Variants in KCNJ12 observed in about 807,000 individuals in gnomAD.
KCNJ12 encodes the protein potassium inwardly rectifying channel subfamily J member 12.
Under a neutral mutation model 22.3 loss-of-function variants are expected in KCNJ12, and 2 were observed. The ratio of observed to expected loss-of-function variants is 0.09; its 90% CI spans 0.04 to 0.28. The LOEUF is 0.28. KCNJ12 is among the 10% of genes least tolerant of loss of function. The probability of loss-of-function intolerance (pLI) is 1.00; values close to 1 mark genes in which losing one functional copy is unlikely to be tolerated. For missense variants in KCNJ12, 155 were observed against 633.3 expected, an observed-to-expected ratio of 0.24 and a Z score of 8.11; for synonymous variants, 117 against 261.4, an observed-to-expected ratio of 0.45 and a Z score of 5.33.
chr17:21,406,670 C>G (rs1366843286), intron 1 of KCNJ12, among the ~76,000 whole-genome samples: 1 of 152,426 alleles, frequency 6.6e-6, no homozygotes, highest in African/African-American at 2.4e-5. Flanking sequence ...AGGGGCAGAG[C>G]TGGGATTTGA....
chr17:21,410,980 G>C (rs1483270484), intron 2 of KCNJ12, among the ~76,000 whole-genome samples: 1 of 152,310 alleles, frequency 6.6e-6, no homozygotes, highest in African/African-American at 2.4e-5. Context: ...GCCCCAGCTA[G>C]CTGAACAGTC....
At position 21,419,220 on chromosome 17, in the gene KCNJ12, C is replaced by T. The variant is rs1427249622; in HGVS notation, c.*2576C>T. The T allele has an allele frequency of 1.2e-5, 2 of 166,826 alleles. No homozygotes were observed. The highest frequency in any genetic ancestry group is 4.8e-5 in the African/African-American group (2 of 41,292). The allele number at this position is 166,826 out of a possible 1,614,324, so 10.3% of individuals were successfully genotyped here. On this transcript the variant is annotated 3_prime_UTR_variant, in exon 3 of 3. Coordinates refer to ENST00000583088, the MANE Select transcript of KCNJ12 (RefSeq NM_021012.5). ...GTGCCTGTGTGAGCCTGCATGCATACATGTGTGGTGCACACATGCACACTC... is the reference window on the plus strand; with the variant it reads ...GTGCCTGTGTGAGCCTGCATGCATATATGTGTGGTGCACACATGCACACTC...
intron 1 of KCNJ12, among the ~76,000 whole-genome samples, chr17:21,399,910 C>G (rs75050283): frequency 6.6e-6 from 1 of 152,164 alleles, no homozygotes. Flanking sequence ...GTCACAGTGA[C>G]GAGTGTTCCT....
chr17:21,418,252 A>G lies in KCNJ12; in HGVS notation c.*1608A>G, dbSNP rs1396697617. The G allele has an allele frequency of 6.0e-6, 1 of 167,130 alleles. No homozygotes were observed. The highest frequency in any genetic ancestry group is 6.5e-5 in the Admixed American group (1 of 15,296). The allele number at this position is 167,130 out of a possible 1,614,324, so 10.4% of individuals were successfully genotyped here. A position where few individuals can be genotyped will look rare whatever the true frequency, so the allele number is the denominator to read the frequency against. On this transcript the variant is annotated 3_prime_UTR_variant, in exon 3 of 3. Transcript: ENST00000583088. The stretch of plus-strand genomic sequence containing the variant: ...CGGGCTTCTCCAGAAGCCAGTAATC[A>G]GAAAGGATGTGTCTCCTGCTCCAAC...
At chr17:21,405,321 T>G (rs1905867259) in intron 1 of KCNJ12, 1 of 152,216 alleles carries the variant, frequency 6.6e-6, no homozygotes, top group African/African-American at 2.4e-5. Context: ...TGTGACAGTC[T>G]CCCGAGGTGT....
At position 21,417,543 on chromosome 17, in the gene KCNJ12, A is replaced by G. The variant is rs76059352; in HGVS notation, c.*899A>G. 5.8e-4 allele frequency: 78 copies of G among 135,500 alleles called. No homozygotes were observed. Among genetic ancestry groups the G allele is most frequent in the Non-Finnish European group, 1.0e-3 (56 of 56,086 alleles). 8.4% of individuals were successfully genotyped at this position (135,500 alleles called of 1,614,324 possible). A position where few individuals can be genotyped will look rare whatever the true frequency, so the allele number is the denominator to read the frequency against. On this transcript the variant is annotated 3_prime_UTR_variant, in exon 3 of 3. Transcript: ENST00000583088. The stretch of plus-strand genomic sequence containing the variant: ...CCATTTCTGTCCAGGCCTCCGCCCA[A>G]TTCCACAGTGAGGGGTGGTTAGGAG...
chr17:21,410,270 C>T lies in KCNJ12; in HGVS notation c.-57+1630C>T, dbSNP rs2364022. Among the ~76,000 whole-genome samples the T allele has an allele frequency of 1.5e-4, 23 of 152,272 alleles. No individual in the cohort carries two copies. In the South Asian group the frequency reaches 2.3e-3, roughly 15 times the overall value. ...GCCCTGCCTCTCACACCCTATGTGA[C>T]GGAGCAAGGGCACCGGCTCAGAGCC... On this transcript the variant is annotated intron_variant, in intron 2 of 2. Coordinates refer to ENST00000583088, the MANE Select transcript of KCNJ12 (RefSeq NM_021012.5).
chr17:21,399,150 G>A (rs559874467), intron 1 of KCNJ12, among the ~76,000 whole-genome samples: 3 of 152,308 alleles, frequency 2.0e-5, no homozygotes, highest in Admixed American at 6.5e-5. Context: ...CCCATGGAGC[G>A]AAGCTGCCGT....
chr17:21,394,481 C>A (rs1905286686), intron 1 of KCNJ12, among the ~76,000 whole-genome samples: 1 of 152,176 alleles, frequency 6.6e-6, no homozygotes, highest in Admixed American at 6.5e-5. Context: ...TGTATTCCAT[C>A]GTTAATCGAG....
At chr17:21,384,119 A>G (rs1904989797) in intron 1 of KCNJ12, among the ~76,000 whole-genome samples, 4 of 152,042 alleles carry the variant, frequency 2.6e-5, no homozygotes, top group Admixed American at 2.6e-4. Flanking sequence ...GAAACGTGCT[A>G]ATATCTAAGT....
chr17:21,411,554 C>T (rs4021089), intron 2 of KCNJ12, among the ~76,000 whole-genome samples: 25 of 152,414 alleles, frequency 1.6e-4, no homozygotes, highest in Non-Finnish European at 2.9e-4. Flanking sequence ...TGGGTGTCTG[C>T]GGAAAACGGT....
chr17:21,411,781 G>A (rs1906362885), intron 2 of KCNJ12, among the ~76,000 whole-genome samples: 1 of 152,428 alleles, frequency 6.6e-6, no homozygotes, highest in South Asian at 2.1e-4. Flanking sequence ...AAAAAGGCCT[G>A]TGTGTCCCTG....
chr17:21,384,605 C>T (rs1036145370), intron 1 of KCNJ12, among the ~76,000 whole-genome samples: 2 of 152,080 alleles, frequency 1.3e-5, no homozygotes, highest in East Asian at 1.9e-4. Context: ...GGAGGGGAGG[C>T]GCTCATTGCT....
chr17:21,399,844 G>A (rs1259743326), intron 1 of KCNJ12, among the ~76,000 whole-genome samples: 3 of 152,184 alleles, frequency 2.0e-5, no homozygotes, highest in Admixed American at 6.5e-5. Context: ...CATCCTATCC[G>A]AGCCCCAGTT....
chr17:21,381,589 A>C (rs1051653089), intron 1 of KCNJ12, among the ~76,000 whole-genome samples: 1 of 151,966 alleles, frequency 6.6e-6, no homozygotes, highest in South Asian at 2.1e-4. Context: ...TCTTTCCCAG[A>C]TCTCTGCACG....
chr17:21,379,672 C>T (rs914068968), intron 1 of KCNJ12, among the ~76,000 whole-genome samples: 8 of 151,106 alleles, frequency 5.3e-5, no homozygotes, highest in Non-Finnish European at 8.9e-5. Flanking sequence ...ATGGCTGTGC[C>T]GGGAACTGGC....
intron 1 of KCNJ12, among the ~76,000 whole-genome samples, chr17:21,389,658 G>A (rs1182798849): frequency 5.9e-5 from 9 of 152,072 alleles, no homozygotes; most frequent in African/African-American, 2.2e-4. Context: ...GAGGGTGGGG[G>A]TGTGGTGGGG....
Position 21,416,519 on chromosome 17 carries a change from G to T in KCNJ12, c.1177G>T (p.Asp393Tyr), listed in dbSNP as rs782464648. The T allele has an allele frequency of 6.2e-7, 1 of 1,612,842 alleles. No individual in the cohort carries two copies. The highest frequency in any genetic ancestry group is 8.5e-7 in the Non-Finnish European group (1 of 1,179,696). ...FLSRDEEDEA[D>Y]GDQDGRSRDG... ...GAGCCGTGACGAGGAGGATGAGGCGGACGGAGACCAGGACGGCCGAAGCCG... is the reference window on the plus strand; with the variant it reads ...GAGCCGTGACGAGGAGGATGAGGCGTACGGAGACCAGGACGGCCGAAGCCG... The change falls in exon 3 of 3, where the codon GAC (aspartate) becomes TAC (tyrosine). Residue 393 changes from aspartate (D) to tyrosine (Y), a missense_variant. Transcript: ENST00000583088.
At chr17:21,405,582 C>T (rs1231566713) in intron 1 of KCNJ12, among the ~76,000 whole-genome samples, 2 of 152,270 alleles carry the variant, frequency 1.3e-5, no homozygotes, top group African/African-American at 2.4e-5. Flanking sequence ...TGCCCTGTTC[C>T]GTGGGGGATT....
Sources: allele counts gnomAD v4.1 joint callset (sites outside exome capture counted in the v4.1 genomes callset), GRCh38; gene constraint gnomAD v4.1.1; transcripts MANE v1.5; gene names NCBI Gene and HGNC (gene_info 2026-07-23, HGNC 2026-07-21).